The following TENM3 variants were observed in gnomAD, a reference collection of about 807,000 sequenced individuals.
The protein encoded by TENM3 is teneurin-3.
TENM3 carries 63 observed loss-of-function variants against 255.1 expected under a neutral mutation model. That is an observed-to-expected ratio of 0.25 (90% CI 0.20 to 0.30). The LOEUF is 0.30. TENM3 is among the 10% of genes least tolerant of loss of function. The pLI is 1.00. For synonymous variants in TENM3, 1,306 were observed against 1,322.3 expected, an observed-to-expected ratio of 0.99 and a Z score of 0.27; for missense variants, 2,929 against 3,461.1, an observed-to-expected ratio of 0.85 and a Z score of 3.86.
the TENM3 span, among the ~76,000 whole-genome samples, chr4:181,604,842 C>T: frequency 1.3e-5 from 2 of 152,184 alleles, no homozygotes; most frequent in African/African-American, 4.8e-5. Flanking sequence ...TCCTAGCTGG[C>T]ATCTCAGCTG....
At chr4:181,860,221 C>T in the TENM3 span, among the ~76,000 whole-genome samples, 1 of 152,210 alleles carries the variant, frequency 6.6e-6, no homozygotes, top group Non-Finnish European at 1.5e-5. Flanking sequence ...CGCCTGTTAA[C>T]TACAATGCAT....
chr4:181,894,714 G>A, the TENM3 span, among the ~76,000 whole-genome samples: 1 of 149,908 alleles, frequency 6.7e-6, no homozygotes, highest in African/African-American at 2.5e-5. Context: ...CCAAGTCAAC[G>A]GTCTCCAAGT....
the TENM3 span, among the ~76,000 whole-genome samples, chr4:181,568,950 T>A: frequency 1.3e-5 from 2 of 152,212 alleles, no homozygotes; most frequent in Non-Finnish European, 1.5e-5. Context: ...TACGTGTGTA[T>A]CCCAAAAGCC....
At chr4:181,801,607 C>T in the TENM3 span, among the ~76,000 whole-genome samples, 101 of 145,500 alleles carry the variant, frequency 6.9e-4, no homozygotes, top group African/African-American at 2.4e-3. Flanking sequence ...TGGCTCATGG[C>T]TTGCTTTTGT....
intron 1 of TENM3, among the ~76,000 whole-genome samples, chr4:182,229,643 C>T (rs1287915210): frequency 6.6e-6 from 1 of 151,386 alleles, no homozygotes; most frequent in Non-Finnish European, 1.5e-5. Context: ...TATACACACA[C>T]ACACACATAT....
In TENM3 at chr4:182,792,615, C is replaced by A. The variant is rs760477721; in HGVS notation, c.5943C>A (p.Asn1981Lys). 6.2e-6 allele frequency: 10 copies of A among 1,613,926 alleles called. No homozygotes were observed. Among genetic ancestry groups the A allele is most frequent in the Non-Finnish European group, 8.5e-6 (10 of 1,179,874 alleles). ...DETAGVLKTV[N>K]LQSDGFICTI... ...CAGCAGGAGTCCTAAAGACAGTAAACCTCCAGAGTGATGGTTTTATTTGCA... is the reference window on the plus strand; with the variant it reads ...CAGCAGGAGTCCTAAAGACAGTAAAACTCCAGAGTGATGGTTTTATTTGCA... The change falls in exon 26 of 28, where the codon AAC (asparagine) becomes AAA (lysine). Residue 1981 changes from asparagine to lysine, a missense_variant. Physicochemically the swap from Asn to Lys is moderately conservative, Grantham distance 94 (BLOSUM62 0). Around this residue, in one of 6 missense-constraint regions of TENM3, gnomAD observed 303 missense variants for 425.2 expected, o/e 0.71. Coordinates refer to ENST00000511685, the MANE Select transcript of TENM3 (RefSeq NM_001080477.4). The surrounding 1 kb of genome is among the most constrained non-coding windows in gnomAD (Gnocchi z 6.3).
At chr4:181,538,547 A>G in the TENM3 span, among the ~76,000 whole-genome samples, 3 of 152,094 alleles carry the variant, frequency 2.0e-5, no homozygotes, top group Non-Finnish European at 1.5e-5. Flanking sequence ...GGGGAACATC[A>G]GGGAACTATG....
intron 12 of TENM3, among the ~76,000 whole-genome samples, chr4:182,694,813 G>C (rs1421780621): frequency 6.6e-6 from 1 of 152,180 alleles, no homozygotes; most frequent in Non-Finnish European, 1.5e-5. Context: ...ACAAGATGGG[G>C]TGGAAAGAGA....
At chr4:182,599,291 C>A (rs1454398925) in intron 3 of TENM3, among the ~76,000 whole-genome samples, 5 of 152,122 alleles carry the variant, frequency 3.3e-5, no homozygotes. Context: ...TCCTCAAAAG[C>A]GTATTTCAGT....
chr4:182,620,428 G>T (rs1750003112), intron 4 of TENM3, among the ~76,000 whole-genome samples: 1 of 152,170 alleles, frequency 6.6e-6, no homozygotes, highest in Non-Finnish European at 1.5e-5. Context: ...TGGAAAGAGG[G>T]TATCCTTTCT....
At chr4:181,969,674 T>C in the TENM3 span, among the ~76,000 whole-genome samples, 1 of 152,224 alleles carries the variant, frequency 6.6e-6, no homozygotes, top group African/African-American at 2.4e-5. Flanking sequence ...CCATCAGTGT[T>C]TGACAGCAAA....
chr4:182,005,199 T>C, the TENM3 span, among the ~76,000 whole-genome samples: 1 of 152,244 alleles, frequency 6.6e-6, no homozygotes, highest in African/African-American at 2.4e-5. Context: ...TTTATGGTTT[T>C]GGGTTTTACA....
the TENM3 span, among the ~76,000 whole-genome samples, chr4:182,011,198 T>C: frequency 1.3e-5 from 2 of 152,306 alleles, no homozygotes; most frequent in Non-Finnish European, 2.9e-5. Context: ...CTCATATTTC[T>C]CTAAAGCCCA....
At chr4:182,066,190 T>G in the TENM3 span, among the ~76,000 whole-genome samples, 1 of 152,214 alleles carries the variant, frequency 6.6e-6, no homozygotes, top group East Asian at 1.9e-4. Context: ...ACCATCCCAC[T>G]GAGTATAAGG....
intron 3 of TENM3, among the ~76,000 whole-genome samples, chr4:182,354,178 G>C (rs150214652): frequency 6.6e-6 from 1 of 152,066 alleles, no homozygotes; most frequent in African/African-American, 2.4e-5. Context: ...TATTAAGCTC[G>C]ATTTGTGTTC....
chr4:181,541,972 A>C, the TENM3 span, among the ~76,000 whole-genome samples: 1 of 152,188 alleles, frequency 6.6e-6, no homozygotes, highest in Admixed American at 6.5e-5. Flanking sequence ...GAAAGATGCC[A>C]CCTTATAAGA....
the TENM3 span, among the ~76,000 whole-genome samples, chr4:181,552,482 G>A: frequency 6.6e-6 from 1 of 152,180 alleles, no homozygotes; most frequent in Non-Finnish European, 1.5e-5. Context: ...CCCTGATTCA[G>A]AAACATCATT....
At chr4:182,478,688 A>G (rs1733911268) in intron 3 of TENM3, among the ~76,000 whole-genome samples, 1 of 152,016 alleles carries the variant, frequency 6.6e-6, no homozygotes, top group African/African-American at 2.4e-5. Context: ...CTAGAATATC[A>G]ACCCTGGAAA....
At chr4:181,647,647 G>A in the TENM3 span, among the ~76,000 whole-genome samples, 1 of 152,132 alleles carries the variant, frequency 6.6e-6, no homozygotes, top group African/African-American at 2.4e-5. Context: ...GCTGTGAAGG[G>A]GGAGTCACTC....
Sources: allele counts gnomAD v4.1 joint callset (sites outside exome capture counted in the v4.1 genomes callset), GRCh38; gene constraint gnomAD v4.1.1; regional missense constraint gnomAD v4.1.1; non-coding constraint Gnocchi (gnomAD v3.1); transcripts MANE v1.5; gene names NCBI Gene and HGNC (gene_info 2026-07-23, HGNC 2026-07-21).